Variants in GSK3B observed in about 807,000 individuals in gnomAD.
The protein encoded by GSK3B is glycogen synthase kinase-3 beta.
Under a neutral mutation model 56.4 loss-of-function variants are expected in GSK3B, and 15 were observed. The observed-to-expected ratio is 0.27, with a 90% CI of 0.18 to 0.41. The LOEUF is 0.41. GSK3B is among the 10% of genes least tolerant of loss of function. The pLI is 1.00. For missense variants in GSK3B, 300 were observed against 513.4 expected (o/e 0.58, Z 4.02); for synonymous variants, 181 against 188.9 (o/e 0.96, Z 0.34).
At chr3:119,967,880 AAG>A (rs2057333987) in intron 2 of GSK3B, among the ~76,000 whole-genome samples, 1 of 134,288 alleles carries the variant, frequency 7.4e-6, no homozygotes, top group African/African-American at 2.8e-5. Flanking sequence ...TCTTTCTTGA[AAG>A]AGTCTCGCTC....
chr3:120,062,631 G>C (rs1195371218), intron 1 of GSK3B, among the ~76,000 whole-genome samples: 1 of 152,138 alleles, frequency 6.6e-6, no homozygotes, highest in Non-Finnish European at 1.5e-5. Context: ...ATAGTAAAAC[G>C]TAAAACAAAT....
chr3:120,016,573 A>G (rs768053852), intron 1 of GSK3B, among the ~76,000 whole-genome samples: 2 of 152,146 alleles, frequency 1.3e-5, no homozygotes, highest in African/African-American at 4.8e-5. Flanking sequence ...CCTGAAACCA[A>G]CTTTTTGTGT....
intron 1 of GSK3B, chr3:120,029,306 G>A: frequency 4.0e-6 from 3 of 743,208 alleles, no homozygotes; most frequent in South Asian, 2.7e-5. Flanking sequence ...CTCTGCAGCG[G>A]ACAATGATCA....
chr3:120,040,634 G>T (rs2058058325), intron 1 of GSK3B, among the ~76,000 whole-genome samples: 1 of 152,002 alleles, frequency 6.6e-6, no homozygotes, highest in East Asian at 1.9e-4. Flanking sequence ...AGCAAGACAA[G>T]AAGTAAAAAG....
intron 1 of GSK3B, among the ~76,000 whole-genome samples, chr3:120,069,666 A>G (rs1011562781): frequency 2.6e-5 from 1 of 38,986 alleles, no homozygotes; most frequent in East Asian, 1.1e-3. Context: ...CAGTTTTTGG[A>G]AAAAAAAAAA....
chr3:119,948,686 T>G (rs536834677), intron 2 of GSK3B, among the ~76,000 whole-genome samples: 10 of 152,220 alleles, frequency 6.6e-5, no homozygotes, highest in Non-Finnish European at 1.3e-4. Context: ...TGGAAGTATT[T>G]CTATACTTTG....
chr3:119,885,153 T>TA (rs904507661), intron 7 of GSK3B, among the ~76,000 whole-genome samples: 5 of 151,866 alleles, frequency 3.3e-5, no homozygotes, highest in African/African-American at 7.3e-5. Context: ...AGTTTCAGGA[T>TA]AAAAAATCAA....
Position 120,094,161 on chromosome 3 carries a change from C to T in GSK3B, c.-727G>A, listed in dbSNP as rs202219676. 452 of 229,866 alleles carry T rather than the reference C, an allele frequency of 2.0e-3. 7 individuals are homozygous for T. The East Asian group carries it at 0.027, about 14-fold the overall frequency. 14.2% of individuals were successfully genotyped at this position (229,866 alleles called of 1,614,324 possible). ...CCCTTCAGACCCCAGGCAGCGGCTC[C>T]TCGACTGTTCCCCATTCGCCGGGGA... is the stretch of plus-strand genomic sequence containing the variant. On this transcript the variant is annotated 5_prime_UTR_variant, in exon 1 of 11. Coordinates refer to ENST00000264235, the MANE Select transcript of GSK3B (RefSeq NM_001146156.2).
intron 1 of GSK3B, among the ~76,000 whole-genome samples, chr3:120,028,071 C>T (rs1434917663): frequency 6.6e-6 from 1 of 152,128 alleles, no homozygotes; most frequent in African/African-American, 2.4e-5. Flanking sequence ...GAATTGAGTG[C>T]CTCATTCATA....
At chr3:119,971,577 T>C (rs990150999) in intron 2 of GSK3B, among the ~76,000 whole-genome samples, 1 of 150,802 alleles carries the variant, frequency 6.6e-6, no homozygotes, top group Non-Finnish European at 1.5e-5. Flanking sequence ...ATAAAACATA[T>C]TGATACTTAA....
chr3:120,003,011 G>A (rs888573502), intron 1 of GSK3B, among the ~76,000 whole-genome samples: 3 of 152,136 alleles, frequency 2.0e-5, no homozygotes, highest in Non-Finnish European at 2.9e-5. Flanking sequence ...GGAAAGTAAG[G>A]CTTTGAGTGT....
chr3:120,044,899 C>T (rs1253005610), intron 1 of GSK3B, among the ~76,000 whole-genome samples: 1 of 152,214 alleles, frequency 6.6e-6, no homozygotes, highest in Admixed American at 6.5e-5. Context: ...GAAGGTCTTG[C>T]AAGGGATTAC....
chr3:120,032,600 G>A (rs919730312), intron 1 of GSK3B, among the ~76,000 whole-genome samples: 15 of 152,050 alleles, frequency 9.9e-5, no homozygotes, highest in Admixed American at 2.0e-4. Context: ...GATCACTGGC[G>A]CCCAAGAGTT....
chr3:119,911,998 T>C (rs2056739187), intron 6 of GSK3B, among the ~76,000 whole-genome samples: 1 of 152,204 alleles, frequency 6.6e-6, no homozygotes, highest in Non-Finnish European at 1.5e-5. Flanking sequence ...CTTTAAGAAC[T>C]TTTCCTTTCT....
intron 2 of GSK3B, among the ~76,000 whole-genome samples, chr3:119,970,673 G>A (rs2057357287): frequency 6.6e-6 from 1 of 150,518 alleles, no homozygotes; most frequent in South Asian, 2.1e-4. Flanking sequence ...TGTAATCCCA[G>A]CTACTCAGGA....
At chr3:119,980,497 C>A (rs772408070) in intron 2 of GSK3B, among the ~76,000 whole-genome samples, 1 of 152,092 alleles carries the variant, frequency 6.6e-6, no homozygotes, top group Non-Finnish European at 1.5e-5. Flanking sequence ...GGATTACAGG[C>A]ATGTGCCACC....
intron 1 of GSK3B, among the ~76,000 whole-genome samples, chr3:120,025,137 T>C (rs896574312): frequency 7.2e-5 from 11 of 152,144 alleles, no homozygotes; most frequent in Non-Finnish European, 1.3e-4. Context: ...GGCGGGCAGA[T>C]CACTTGACAC....
chr3:120,064,408 G>A (rs953076135), intron 1 of GSK3B, among the ~76,000 whole-genome samples: 6 of 151,768 alleles, frequency 4.0e-5, no homozygotes, highest in Non-Finnish European at 8.8e-5. Context: ...AGCAATTCAA[G>A]TTATAGCAGT....
intron 7 of GSK3B, among the ~76,000 whole-genome samples, chr3:119,897,322 G>C (rs149331434): frequency 2.0e-5 from 3 of 151,962 alleles, no homozygotes; most frequent in African/African-American, 7.2e-5. Context: ...TGTTTCTTTT[G>C]GTCTATGGAA....
Sources: gnomAD v4.1 joint callset for allele counts (sites outside exome capture counted in the v4.1 genomes callset) on GRCh38, gnomAD v4.1.1 for gene constraint, MANE v1.5 for transcripts, NCBI Gene and HGNC (gene_info 2026-07-23, HGNC 2026-07-21) for gene names.